The following VEGFC variants were observed in gnomAD, a reference collection of about 807,000 sequenced individuals.
VEGFC encodes FLT4 ligand DHM.
Under a neutral mutation model 46.1 loss-of-function variants are expected in VEGFC, and 12 were observed. The ratio of observed to expected loss-of-function variants is 0.26; its 90% CI spans 0.17 to 0.42. VEGFC has a LOEUF of 0.42. VEGFC is among the 10% of genes least tolerant of loss of function. VEGFC has a pLI of 1.00. For synonymous variants in VEGFC, 232 were observed against 195.5 expected, an observed-to-expected ratio of 1.19 and a Z score of -1.56; for missense variants, 488 against 529.4, an observed-to-expected ratio of 0.92 and a Z score of 0.77.
chr4:176,766,362 G>A (rs1365889605), intron 1 of VEGFC, among the ~76,000 whole-genome samples: 1 of 152,078 alleles, frequency 6.6e-6, no homozygotes, highest in Non-Finnish European at 1.5e-5. Context: ...GATGCAGGAG[G>A]ATCAATTGAA....
At chr4:176,705,359 A>T (rs543753195) in intron 4 of VEGFC, among the ~76,000 whole-genome samples, 1 of 152,148 alleles carries the variant, frequency 6.6e-6, no homozygotes, top group Non-Finnish European at 1.5e-5. Flanking sequence ...TGGAAAAAAT[A>T]ATCTGTGAGA....
intron 1 of VEGFC, among the ~76,000 whole-genome samples, chr4:176,780,156 G>C (rs1470276782): frequency 6.6e-6 from 1 of 152,072 alleles, no homozygotes; most frequent in African/African-American, 2.4e-5. Context: ...GAGGCGGGCA[G>C]GTCACCTGAG....
chr4:176,744,360 A>C (rs549151248), intron 1 of VEGFC, among the ~76,000 whole-genome samples: 4 of 152,176 alleles, frequency 2.6e-5, no homozygotes, highest in Admixed American at 6.6e-5. Flanking sequence ...AAAAGAAAAA[A>C]AAAACCTATT....
chr4:176,784,592 AT>A (rs766413991), intron 1 of VEGFC, among the ~76,000 whole-genome samples: 9 of 149,308 alleles, frequency 6.0e-5, no homozygotes, highest in East Asian at 2.0e-4. Context: ...CTAAAAAAAT[AT>A]AAAAAAAAAA....
intron 4 of VEGFC, among the ~76,000 whole-genome samples, chr4:176,691,007 T>C (rs1237359653): frequency 6.6e-6 from 1 of 152,168 alleles, no homozygotes; most frequent in African/African-American, 2.4e-5. Context: ...TAGAATGATA[T>C]GTAATAAAAT....
In VEGFC at chr4:176,692,537, A is replaced by G. The variant is rs59440150; in HGVS notation, c.705-4610T>C. On this transcript the variant is annotated intron_variant, in intron 4 of 6. Transcript: ENST00000618562. ...TCTGAGATCAAACTGCAAGGCGGCA[A>G]TGAGGCTGGGGGAGGGACGCCCGCC... Among the ~76,000 whole-genome samples the G allele has an allele frequency of 5.9e-3, 736 of 125,406 alleles. 28 individuals are homozygous for G. Among genetic ancestry groups the G allele is most frequent in the East Asian group, 0.011 (52 of 4,730 alleles). The allele number at this position is 125,406 out of a possible 152,430, so 82.3% of individuals were successfully genotyped here. A position where few individuals can be genotyped will look rare whatever the true frequency, so the allele number is the denominator to read the frequency against.
chr4:176,692,410 A>C (rs1246719267), intron 4 of VEGFC, among the ~76,000 whole-genome samples: 2,274 of 131,182 alleles, frequency 0.017, 544 homozygotes, highest in African/African-American at 0.084. Flanking sequence ...AAACAAACAA[A>C]CAAACAAAAA....
chr4:176,714,957 A>G (rs946489375), intron 3 of VEGFC, among the ~76,000 whole-genome samples: 2 of 152,222 alleles, frequency 1.3e-5, no homozygotes, highest in African/African-American at 4.8e-5. Context: ...TTTTGAATAC[A>G]CTGACTAAAA....
intron 1 of VEGFC, among the ~76,000 whole-genome samples, chr4:176,754,377 T>C (rs1397473141): frequency 6.6e-6 from 1 of 151,922 alleles, no homozygotes; most frequent in Non-Finnish European, 1.5e-5. Flanking sequence ...GCAGGTGAAA[T>C]GTCCAAAATG....
In VEGFC at chr4:176,792,428, G is replaced by A. The variant is rs1293648194; in HGVS notation, c.-117C>T. Reference sequence around the variant, plus strand: ...CCCTCTCCCCCGGGCTCCTCCCGGCGACCCCCCCTGGGCGAGCCGGAGGCG... The same window carrying A: ...CCCTCTCCCCCGGGCTCCTCCCGGCAACCCCCCCTGGGCGAGCCGGAGGCG... On this transcript the variant is annotated 5_prime_UTR_variant, in exon 1 of 7. Transcript: ENST00000618562. The surrounding 1 kb of genome is among the most constrained non-coding windows in gnomAD (Gnocchi z 6.3). 2.5e-6 allele frequency: 2 copies of A among 814,796 alleles called. No homozygotes were observed. The highest frequency in any genetic ancestry group is 1.7e-6 in the Non-Finnish European group (1 of 580,632). The allele number at this position is 814,796 out of a possible 1,614,324, so 50.5% of individuals were successfully genotyped here. A position where few individuals can be genotyped will look rare whatever the true frequency, so the allele number is the denominator to read the frequency against.
At chr4:176,777,725 T>C (rs905432977) in intron 1 of VEGFC, among the ~76,000 whole-genome samples, 2 of 151,840 alleles carry the variant, frequency 1.3e-5, no homozygotes, top group Admixed American at 1.3e-4. Context: ...ATCGAGACCA[T>C]CCTGGTTAAC....
intron 6 of VEGFC, among the ~76,000 whole-genome samples, chr4:176,685,384 GA>G (rs1242197641): frequency 6.6e-6 from 1 of 152,018 alleles, no homozygotes; most frequent in Non-Finnish European, 1.5e-5. Flanking sequence ...AGAATGAGGA[GA>G]ATATATATTT....
rs75826700 is a variant in VEGFC at position 176,788,031 on chromosome 4, C to T, written c.147+4134G>A. ...CTGGTGAAAGGTGAAACAATATATGCTCAGAAGTCAGAGGAAGTATAACGC... is the reference window on the plus strand; with the variant it reads ...CTGGTGAAAGGTGAAACAATATATGTTCAGAAGTCAGAGGAAGTATAACGC... On this transcript the variant is annotated intron_variant, in intron 1 of 6. Coordinates refer to ENST00000618562, the MANE Select transcript of VEGFC (RefSeq NM_005429.5). Among the ~76,000 whole-genome samples the T allele has an allele frequency of 9.9e-5, 15 of 152,260 alleles. No individual in the cohort carries two copies. In the East Asian group the frequency reaches 2.9e-3, roughly 29 times the overall value.
At chr4:176,723,754 CTTTTATTTTAGGTTTGGGG>C (rs1490460330) in intron 3 of VEGFC, among the ~76,000 whole-genome samples, 2 of 144,854 alleles carry the variant, frequency 1.4e-5, no homozygotes, top group African/African-American at 2.6e-5. Context: ...CATAGGTAAA[CTTTTATTTTAGGTTTGGGG>C]TTTTATTTTA....
At chr4:176,767,725 G>A (rs547991359) in intron 1 of VEGFC, among the ~76,000 whole-genome samples, 40 of 152,278 alleles carry the variant, frequency 2.6e-4, no homozygotes, top group African/African-American at 9.1e-4. Context: ...TACTTTTTGT[G>A]AAGTAGGGAA....
intron 4 of VEGFC, among the ~76,000 whole-genome samples, chr4:176,694,242 G>A (rs1365434057): frequency 8.0e-5 from 12 of 150,368 alleles, no homozygotes; most frequent in Middle Eastern, 3.5e-3. Context: ...CCCATCTCAC[G>A]TGCAGAGACA....
intron 1 of VEGFC, among the ~76,000 whole-genome samples, chr4:176,768,514 T>TATATATATATATATATATATATATA (rs1553996851): frequency 4.1e-5 from 1 of 24,462 alleles, no homozygotes; most frequent in Non-Finnish European, 1.5e-4. Context: ...ATATATATAT[T>TATATATATATATATATATATATATA]TCAAATTTTT....
At chr4:176,750,034 T>G (rs1425469251) in intron 1 of VEGFC, among the ~76,000 whole-genome samples, 1 of 151,822 alleles carries the variant, frequency 6.6e-6, no homozygotes, top group East Asian at 1.9e-4. Flanking sequence ...TAAACAATCT[T>G]CAATTCATGG....
intron 4 of VEGFC, among the ~76,000 whole-genome samples, chr4:176,703,309 T>C (rs556279109): frequency 6.6e-6 from 1 of 152,242 alleles, no homozygotes; most frequent in Non-Finnish European, 1.5e-5. Flanking sequence ...AAGAATGCAA[T>C]CCTGTCATTT....
Sources: allele counts gnomAD v4.1 joint callset (sites outside exome capture counted in the v4.1 genomes callset), GRCh38; gene constraint gnomAD v4.1.1; non-coding constraint Gnocchi (gnomAD v3.1); transcripts MANE v1.5; gene names NCBI Gene and HGNC (gene_info 2026-07-23, HGNC 2026-07-21).